The following KCNK12 variants were observed in gnomAD, a reference collection of about 807,000 sequenced individuals.
KCNK12 encodes potassium channel subfamily K member 12.
Under a neutral mutation model 25.3 loss-of-function variants are expected in KCNK12, and 6 were observed. The ratio of observed to expected loss-of-function variants is 0.24; its 90% CI spans 0.13 to 0.47. The LOEUF is 0.47. Ranked by LOEUF, KCNK12 falls within the 20% of genes least tolerant of loss-of-function variation. The pLI is 0.99. For synonymous variants in KCNK12, 331 were observed against 311.1 expected, an observed-to-expected ratio of 1.06 and a Z score of -0.67; for missense variants, 444 against 661.7, an observed-to-expected ratio of 0.67 and a Z score of 3.61.
chr2:47,545,343 G>A (rs944257013), intron 1 of KCNK12, among the ~76,000 whole-genome samples: 9 of 152,240 alleles, frequency 5.9e-5, no homozygotes, highest in African/African-American at 2.2e-4. Context: ...AGGAAAGGCT[G>A]CAGTGAGGGT....
chr2:47,512,588 T>C lies in KCNK12; in HGVS notation c.*8319A>G, dbSNP rs758473456. 2.4e-4 allele frequency: 209 copies of C among 862,876 alleles called. No individual in the cohort carries two copies. Among genetic ancestry groups the C allele is most frequent in the Non-Finnish European group, 3.3e-4 (189 of 577,560 alleles). 53.5% of individuals were successfully genotyped at this position (862,876 alleles called of 1,614,324 possible). ...CTTTCTCTGCCCAGATTCCAGGACTTACAGTGAGAAAGCGCCTTCTGGGAA... is the reference window on the plus strand; with the variant it reads ...CTTTCTCTGCCCAGATTCCAGGACTCACAGTGAGAAAGCGCCTTCTGGGAA... On this transcript the variant is annotated 3_prime_UTR_variant, in exon 2 of 2. Coordinates refer to ENST00000327876, the MANE Select transcript of KCNK12 (RefSeq NM_022055.2).
intron 1 of KCNK12, chr2:47,563,874 A>G (rs1669736524): frequency 4.3e-6 from 1 of 232,500 alleles, no homozygotes; most frequent in African/African-American, 2.2e-5. Flanking sequence ...GGCATAGTCA[A>G]GACTGAGTGG....
At chr2:47,550,805 G>T (rs1009576362) in intron 1 of KCNK12, among the ~76,000 whole-genome samples, 4 of 152,114 alleles carry the variant, frequency 2.6e-5, no homozygotes, top group Non-Finnish European at 4.4e-5. Context: ...TTTTCTGAAA[G>T]ATATAATCAC....
At chr2:47,561,230 C>T (rs1669662442) in intron 1 of KCNK12, among the ~76,000 whole-genome samples, 2 of 152,182 alleles carry the variant, frequency 1.3e-5, no homozygotes, top group Non-Finnish European at 1.5e-5. Context: ...CAGGGCTCTG[C>T]TCCGGGTGTG....
chr2:47,535,317 C>T (rs777120659), intron 1 of KCNK12: 49 of 232,988 alleles, frequency 2.1e-4, no homozygotes, highest in Non-Finnish European at 3.5e-4. Context: ...GGTAAAGGGG[C>T]TGCCCACAGC....
chr2:47,558,231 G>C (rs1163985482), intron 1 of KCNK12, among the ~76,000 whole-genome samples: 1 of 152,226 alleles, frequency 6.6e-6, no homozygotes, highest in Non-Finnish European at 1.5e-5. Context: ...CCAGAATCTG[G>C]CAAGAGAAGC....
chr2:47,510,312 G>C lies in KCNK12; in HGVS notation c.*10595C>G, dbSNP rs1412760041. 2 of 152,218 alleles carry C rather than the reference G, an allele frequency of 1.3e-5. No individual in the cohort carries two copies. The highest frequency in any genetic ancestry group is 2.9e-5 in the Non-Finnish European group (2 of 68,036). The allele number at this position is 152,218 out of a possible 1,614,324, so 9.4% of individuals were successfully genotyped here. ...CTAGCCCCAGACCACCTGCTCCAGA[G>C]TTCTGGTTATGGTAATGAAATAAAC... On this transcript the variant is annotated 3_prime_UTR_variant, in exon 2 of 2. Coordinates refer to ENST00000327876, the MANE Select transcript of KCNK12 (RefSeq NM_022055.2).
At position 47,566,861 on chromosome 2, in the gene KCNK12, G is replaced by A. The variant is rs1390712303; in HGVS notation, c.391+3080C>T. The A allele has an allele frequency of 6.6e-6, 1 of 152,128 alleles. No homozygotes were observed. The highest frequency in any genetic ancestry group is 1.5e-5 in the Non-Finnish European group (1 of 68,030). The allele number at this position is 152,128 out of a possible 1,614,324, so 9.4% of individuals were successfully genotyped here. A position where few individuals can be genotyped will look rare whatever the true frequency, so the allele number is the denominator to read the frequency against. Reference sequence around the variant, plus strand: ...ACCCCTCATTAACTGTGTGACCACTGACAAGTCCCCTAACCCTGTGCCACA... The same window carrying A: ...ACCCCTCATTAACTGTGTGACCACTAACAAGTCCCCTAACCCTGTGCCACA... On this transcript the variant is annotated intron_variant, in intron 1 of 1. Coordinates refer to ENST00000327876, the MANE Select transcript of KCNK12 (RefSeq NM_022055.2). The surrounding 1 kb of genome is among the most constrained non-coding windows in gnomAD (Gnocchi z 4.1).
At position 47,511,133 on chromosome 2, in the gene KCNK12, G is replaced by T. The variant is rs931622109; in HGVS notation, c.*9774C>A. ...GAATGAATACAATACCAAACGAATG[G>T]ACAGGACAGAGCTGTGGGCTAGCAG... On this transcript the variant is annotated 3_prime_UTR_variant, in exon 2 of 2. Transcript: ENST00000327876. This position sits in a 1 kb window ranked among gnomAD's most constrained non-coding sequence, Gnocchi z 4.3. Among the ~76,000 whole-genome samples the T allele has an allele frequency of 6.6e-6, 1 of 152,202 alleles. No individual in the cohort carries two copies. The highest frequency in any genetic ancestry group is 2.4e-5 in the African/African-American group (1 of 41,442).
In KCNK12 at chr2:47,525,510, G is replaced by A. The variant is rs893714879; in HGVS notation, c.392-3702C>T. Among the ~76,000 whole-genome samples, 25 of 152,226 alleles carry A rather than the reference G, an allele frequency of 1.6e-4. No homozygotes were observed. Among genetic ancestry groups the A allele is most frequent in the Admixed American group, 1.1e-3 (17 of 15,292 alleles). On this transcript the variant is annotated intron_variant, in intron 1 of 1. Coordinates refer to ENST00000327876, the MANE Select transcript of KCNK12 (RefSeq NM_022055.2). This position sits in a 1 kb window ranked among gnomAD's most constrained non-coding sequence, Gnocchi z 4.1. ...GTGCTGGAGAGTTCTCTGGGTGGGA[G>A]GCTGACTGGGGCAGCCCCCACAGGC...
chr2:47,553,681 C>T (rs1284842907), intron 1 of KCNK12, among the ~76,000 whole-genome samples: 2 of 152,208 alleles, frequency 1.3e-5, no homozygotes, highest in African/African-American at 2.4e-5. Flanking sequence ...ACATTACACC[C>T]CTGTTCAAGA....
chr2:47,542,907 T>C (rs947099174), intron 1 of KCNK12, among the ~76,000 whole-genome samples: 4 of 152,230 alleles, frequency 2.6e-5, no homozygotes, highest in Admixed American at 2.6e-4. Flanking sequence ...GGCTTGAGAA[T>C]GAGTTCTTTT....
chr2:47,522,612 C>G (rs75049996), intron 1 of KCNK12, among the ~76,000 whole-genome samples: 1 of 152,208 alleles, frequency 6.6e-6, no homozygotes, highest in Non-Finnish European at 1.5e-5. Flanking sequence ...AGTGATAGGA[C>G]TGCAGGTGTA....
intron 1 of KCNK12, among the ~76,000 whole-genome samples, chr2:47,534,438 C>CA (rs1385366715): frequency 6.9e-6 from 1 of 144,202 alleles, no homozygotes; most frequent in African/African-American, 2.6e-5. Context: ...CCAGGCCCCC[C>CA]CCACCGCCAC....
chr2:47,542,587 C>A (rs1181279068), intron 1 of KCNK12, among the ~76,000 whole-genome samples: 1 of 152,186 alleles, frequency 6.6e-6, no homozygotes, highest in Admixed American at 6.5e-5. Context: ...TGGGGTCCTG[C>A]AGCCAGGTTG....
Position 47,570,124 on chromosome 2 carries a change from C to A in KCNK12, c.208G>T (p.Ala70Ser). The A allele has an allele frequency of 7.0e-7, 1 of 1,430,580 alleles. No individual in the cohort carries two copies. The highest frequency in any genetic ancestry group is 9.1e-7 in the Non-Finnish European group (1 of 1,092,954). The allele number at this position is 1,430,580 out of a possible 1,614,324, so 88.6% of individuals were successfully genotyped here. A position where few individuals can be genotyped will look rare whatever the true frequency, so the allele number is the denominator to read the frequency against. The change falls in exon 1 of 2, where the codon GCG becomes TCG. Residue 70 changes from alanine to serine, a missense_variant. Physicochemically the swap from Ala to Ser is moderately conservative, Grantham distance 99. Transcript: ENST00000327876. Reference protein sequence around the residue: ...LESPGEAEARARWGATLRNFS... With the variant: ...LESPGEAEARSRWGATLRNFS... ...TTGCGCAGCGTGGCGCCCCAGCGCG[C>A]CCGCGCCTCCGCCTCGCCGGGGCTC...
chr2:47,510,416 G>A lies in KCNK12; in HGVS notation c.*10491C>T, dbSNP rs1573611971. ...TTGAATGCTTTCATAACTGATACAG[G>A]AGGGACCCTGTGATTGGCAGTTCCA... is the stretch of plus-strand genomic sequence containing the variant. On this transcript the variant is annotated 3_prime_UTR_variant, in exon 2 of 2. Coordinates refer to ENST00000327876, the MANE Select transcript of KCNK12 (RefSeq NM_022055.2). 1 of 152,120 alleles carries A rather than the reference G, an allele frequency of 6.6e-6. No individual in the cohort carries two copies. Among genetic ancestry groups the A allele is most frequent in the Non-Finnish European group, 1.5e-5 (1 of 68,024 alleles). The allele number at this position is 152,120 out of a possible 1,614,324, so 9.4% of individuals were successfully genotyped here. A position where few individuals can be genotyped will look rare whatever the true frequency, so the allele number is the denominator to read the frequency against.
rs754596084 is a variant in KCNK12, at chr2:47,562,623, T to A, written c.391+7318A>T. On this transcript the variant is annotated intron_variant, in intron 1 of 1. Coordinates refer to ENST00000327876, the MANE Select transcript of KCNK12 (RefSeq NM_022055.2). This position sits in a 1 kb window ranked among gnomAD's most constrained non-coding sequence, Gnocchi z 4.8. ...GGAATGGCAGGGTTTGGGGTAGAAC[T>A]TCCTGGGGCCAGAGTCTCATAGCAG... The A allele has an allele frequency of 4.3e-6, 1 of 233,234 alleles. No individual in the cohort carries two copies. Among genetic ancestry groups the A allele is most frequent in the Non-Finnish European group, 8.5e-6 (1 of 118,118 alleles). 14.4% of individuals were successfully genotyped at this position (233,234 alleles called of 1,614,324 possible).
rs1348108930 is a variant in KCNK12 at position 47,525,067 on chromosome 2, C to T, written c.392-3259G>A. ...TAAGAAAATACTGAATTGGATTTTT[C>T]AGCTAAAGCCTCAAAGCTGAGAACA... On this transcript the variant is annotated intron_variant, in intron 1 of 1. Coordinates refer to ENST00000327876, the MANE Select transcript of KCNK12 (RefSeq NM_022055.2). The surrounding 1 kb of genome is among the most constrained non-coding windows in gnomAD (Gnocchi z 4.1). Among the ~76,000 whole-genome samples, 3 of 152,212 alleles carry T rather than the reference C, an allele frequency of 2.0e-5. No homozygotes were observed. Among genetic ancestry groups the T allele is most frequent in the African/African-American group, 7.2e-5 (3 of 41,464 alleles).
Sources: gnomAD v4.1 joint callset for allele counts (sites outside exome capture counted in the v4.1 genomes callset) on GRCh38, gnomAD v4.1.1 for gene constraint, Gnocchi (gnomAD v3.1) non-coding constraint, MANE v1.5 for transcripts, NCBI Gene and HGNC (gene_info 2026-07-23, HGNC 2026-07-21) for gene names.